Variants in MROH2B observed in about 807,000 individuals in gnomAD.
The protein encoded by MROH2B is maestro heat like repeat family member 2B.
A neutral mutation model predicts 208.6 loss-of-function variants in MROH2B; 177 were observed. The ratio of observed to expected loss-of-function variants is 0.85; its 90% CI spans 0.75 to 0.96. MROH2B has a LOEUF of 0.96. MROH2B is among the 40% of genes least tolerant of loss of function. The probability of loss-of-function intolerance (pLI) is 0.00; values close to 1 mark genes in which losing one functional copy is unlikely to be tolerated. For missense variants in MROH2B, 2,002 were observed against 1,878.7 expected, an observed-to-expected ratio of 1.07 and a Z score of -1.21; for synonymous variants, 728 against 659.0, an observed-to-expected ratio of 1.10 and a Z score of -1.60.
intron 28 of MROH2B, among the ~76,000 whole-genome samples, 182 bp downstream of exon 28, chr5:41,017,664 GAGAA>G (rs1239203138): frequency 2.0e-5 from 3 of 151,912 alleles, no homozygotes; most frequent in African/African-American, 7.3e-5. Flanking sequence ...GAGAAACAGA[GAGAA>G]AGAGAGAGAG....
chr5:41,062,480 T>G (rs965249934), intron 5 of MROH2B, among the ~76,000 whole-genome samples: 1 of 152,204 alleles, frequency 6.6e-6, no homozygotes, highest in African/African-American at 2.4e-5. Context: ...CTGATTTGCG[T>G]GATTTTCTGT....
At chr5:41,057,206 G>A in intron 8 of MROH2B, 28 bp from the exon 9 acceptor site, 1 of 1,612,988 alleles carries the variant, frequency 6.2e-7, no homozygotes, top group Non-Finnish European at 8.5e-7. Context: ...TCAGGTGGTA[G>A]ATGTTAAACA....
chr5:41,039,427 G>T, intron 20 of MROH2B, 21 bp downstream of exon 20: 1 of 1,426,276 alleles, frequency 7.0e-7, no homozygotes, highest in Non-Finnish European at 9.7e-7. Flanking sequence ...CTGAGAATTT[G>T]AAGGAGATGA....
chr5:41,023,276 G>C lies in MROH2B; in HGVS notation c.2442-4258C>G, dbSNP rs13189472. Among the ~76,000 whole-genome samples the C allele has an allele frequency of 4.2e-3, 636 of 151,826 alleles. 4 individuals are homozygous for C. Among genetic ancestry groups the C allele is most frequent in the African/African-American group, 0.015 (610 of 41,386 alleles). On this transcript the variant is annotated intron_variant, in intron 24 of 41. Coordinates refer to ENST00000399564, the MANE Select transcript of MROH2B (RefSeq NM_173489.5). ...AGGAGGAAGTTCGAACCCATCGCAA[G>C]GAAGCTAAAAATCTTGAAAAAAGAT...
chr5:41,025,731 A>G (rs1368340333), intron 24 of MROH2B, among the ~76,000 whole-genome samples: 5 of 152,052 alleles, frequency 3.3e-5, no homozygotes, highest in Admixed American at 6.5e-5. Flanking sequence ...AGACACAACA[A>G]AAAAAAGAGA....
chr5:41,044,321 A>G (rs1743052237), intron 18 of MROH2B, among the ~76,000 whole-genome samples: 2 of 152,042 alleles, frequency 1.3e-5, no homozygotes, highest in Admixed American at 1.3e-4. Context: ...TTGAGATTAG[A>G]TGACTACCCA....
At chr5:41,023,047 C>T (rs997205590) in intron 24 of MROH2B, among the ~76,000 whole-genome samples, 2 of 152,182 alleles carry the variant, frequency 1.3e-5, no homozygotes, top group Non-Finnish European at 2.9e-5. Context: ...GTCTGTACAT[C>T]ACCATCATCA....
At chr5:41,015,087 A>G (rs1228674039) in intron 29 of MROH2B, among the ~76,000 whole-genome samples, 3 of 152,194 alleles carry the variant, frequency 2.0e-5, no homozygotes, top group African/African-American at 7.2e-5. Flanking sequence ...CTGAACTTCA[A>G]TCAGTGCACA....
chr5:41,015,737 G>A (rs1341225121), intron 28 of MROH2B, among the ~76,000 whole-genome samples: 1 of 152,150 alleles, frequency 6.6e-6, no homozygotes, highest in East Asian at 1.9e-4. Context: ...TGAGAAAGCG[G>A]GAACAGAGAT....
intron 14 of MROH2B, 34 bp from the exon 15 acceptor site, chr5:41,049,175 A>T: frequency 6.2e-7 from 1 of 1,603,836 alleles, no homozygotes; most frequent in Non-Finnish European, 8.5e-7. Flanking sequence ...TCATCACTGC[A>T]GGGGTTAGAG....
chr5:41,040,342 G>T (rs1742903492), intron 19 of MROH2B, among the ~76,000 whole-genome samples: 1 of 152,128 alleles, frequency 6.6e-6, no homozygotes, highest in Admixed American at 6.6e-5. Flanking sequence ...ATGGCAATTT[G>T]TTCCTGAAAC....
chr5:41,018,635 C>T, intron 26 of MROH2B, 56 bp downstream of exon 26: 1 of 1,582,086 alleles, frequency 6.3e-7, no homozygotes, highest in Non-Finnish European at 8.7e-7. Flanking sequence ...TTGGAGTGGA[C>T]ATTGAAGAAC....
At chr5:41,022,196 G>A (rs1289193805) in intron 24 of MROH2B, among the ~76,000 whole-genome samples, 3 of 152,242 alleles carry the variant, frequency 2.0e-5, no homozygotes, top group South Asian at 4.1e-4. Flanking sequence ...TTGTTGGATG[G>A]TGGGGGCAGG....
chr5:41,055,257 C>T (rs1177492901), intron 10 of MROH2B, among the ~76,000 whole-genome samples: 2 of 152,140 alleles, frequency 1.3e-5, no homozygotes, highest in Non-Finnish European at 2.9e-5. Context: ...TTTTATCATG[C>T]ACCATTATTT....
At chr5:41,026,215 G>T (rs778975353) in intron 24 of MROH2B, among the ~76,000 whole-genome samples, 4 of 152,282 alleles carry the variant, frequency 2.6e-5, no homozygotes, top group East Asian at 1.9e-4. Context: ...GAAATAAAGG[G>T]TATTCAATTA....
At chr5:41,041,892 T>G (rs1245685376) in intron 19 of MROH2B, among the ~76,000 whole-genome samples, 200 bp downstream of exon 19, 2 of 152,232 alleles carry the variant, frequency 1.3e-5, no homozygotes, top group Non-Finnish European at 2.9e-5. Flanking sequence ...AATATTTTCA[T>G]AAACTTGGTT....
intron 9 of MROH2B, among the ~76,000 whole-genome samples, chr5:41,056,633 T>C (rs13161475): frequency 0.21 from 31,442 of 151,094 alleles, 3,631 homozygotes; most frequent in South Asian, 0.34. Context: ...TAATGTAAGG[T>C]CAAGATAAAA....
chr5:41,002,588 T>C (rs879431796), intron 37 of MROH2B, among the ~76,000 whole-genome samples: 2 of 152,244 alleles, frequency 1.3e-5, no homozygotes, highest in Admixed American at 6.5e-5. Flanking sequence ...AATATACTTA[T>C]GTAAAAATGG....
At chr5:41,040,380 C>A (rs1295689747) in intron 19 of MROH2B, among the ~76,000 whole-genome samples, 1 of 152,134 alleles carries the variant, frequency 6.6e-6, no homozygotes, top group Non-Finnish European at 1.5e-5. Context: ...GTGGCATAAC[C>A]CTGCCAGAGC....
Sources: allele counts gnomAD v4.1 joint callset (sites outside exome capture counted in the v4.1 genomes callset), GRCh38; gene constraint gnomAD v4.1.1; transcripts MANE v1.5; gene names NCBI Gene and HGNC (gene_info 2026-07-23, HGNC 2026-07-21).